The following CCDC91 variants were observed in gnomAD, a reference collection of about 807,000 sequenced individuals.
CCDC91 encodes the protein coiled-coil domain-containing protein 91.
Under a neutral mutation model 63.2 loss-of-function variants are expected in CCDC91, and 48 were observed. That is an observed-to-expected ratio of 0.76 (90% confidence interval 0.60 to 0.97). The LOEUF (loss-of-function observed/expected upper bound fraction) is 0.97. CCDC91 is among the 50% of genes least tolerant of loss of function. The pLI, the probability that CCDC91 is intolerant of heterozygous loss-of-function variation, is 0.00. For missense variants in CCDC91, 500 were observed against 494.6 expected, an observed-to-expected ratio of 1.01 and a Z score of -0.10; for synonymous variants, 167 against 165.8, an observed-to-expected ratio of 1.01 and a Z score of -0.06.
At chr12:28,216,041 G>A (rs1211563503) in intron 1 of CCDC91, among the ~76,000 whole-genome samples, 3 of 151,992 alleles carry the variant, frequency 2.0e-5, no homozygotes, top group African/African-American at 4.8e-5. Context: ...GTACTTAATC[G>A]TTGTTGTTTT....
intron 1 of CCDC91, chr12:28,191,360 C>G (rs1000768215): frequency 6.6e-6 from 1 of 152,286 alleles, no homozygotes; most frequent in Non-Finnish European, 1.5e-5. Flanking sequence ...TGCTGCTACT[C>G]TCACTTGCTT....
chr12:28,548,730 T>G (rs1235130714), intron 12 of CCDC91, among the ~76,000 whole-genome samples: 1 of 152,194 alleles, frequency 6.6e-6, no homozygotes, highest in African/African-American at 2.4e-5. Flanking sequence ...ATCTGTAATA[T>G]ATTTGTGGAT....
intron 7 of CCDC91, among the ~76,000 whole-genome samples, chr12:28,387,456 G>A (rs902597697): frequency 6.6e-5 from 10 of 152,084 alleles, no homozygotes; most frequent in East Asian, 3.9e-4. Flanking sequence ...AAGTTCTTTC[G>A]TGGTGATTTG....
At chr12:28,300,052 A>G (rs545625380) in intron 3 of CCDC91, among the ~76,000 whole-genome samples, 5 of 151,496 alleles carry the variant, frequency 3.3e-5, no homozygotes, top group Non-Finnish European at 7.4e-5. Flanking sequence ...TTTGACAGAA[A>G]AAACGTTTAA....
intron 8 of CCDC91, among the ~76,000 whole-genome samples, chr12:28,416,924 C>G (rs894811785): frequency 2.0e-5 from 3 of 151,706 alleles, no homozygotes; most frequent in African/African-American, 7.3e-5. Flanking sequence ...ATGAATTGAC[C>G]ACTTCCTATT....
chr12:28,427,859 T>C (rs1948411839), intron 8 of CCDC91, among the ~76,000 whole-genome samples: 1 of 152,202 alleles, frequency 6.6e-6, no homozygotes, highest in Admixed American at 6.5e-5. Flanking sequence ...ATGTTTTCAT[T>C]ATCTACTTTA....
intron 8 of CCDC91, among the ~76,000 whole-genome samples, chr12:28,422,680 A>G (rs1238117586): frequency 3.3e-5 from 5 of 152,120 alleles, no homozygotes; most frequent in African/African-American, 9.7e-5. Context: ...TTCTCCACAT[A>G]CAGTGAATTT....
At chr12:28,255,485 A>G (rs754961522) in intron 1 of CCDC91, 6 of 152,226 alleles carry the variant, frequency 3.9e-5, no homozygotes, top group Non-Finnish European at 7.4e-5. Context: ...GTAGCCACAT[A>G]CAGATTTCTG....
At chr12:28,427,246 T>C (rs1158817856) in intron 8 of CCDC91, among the ~76,000 whole-genome samples, 1 of 152,124 alleles carries the variant, frequency 6.6e-6, no homozygotes, top group African/African-American at 2.4e-5. Flanking sequence ...ATAAAAAGGC[T>C]AGAGCGCGCT....
chr12:28,216,754 GTGTT>G (rs2135589599), intron 1 of CCDC91, among the ~76,000 whole-genome samples: 1 of 152,126 alleles, frequency 6.6e-6, no homozygotes. Context: ...GGCTTTAAGT[GTGTT>G]TGTTCAGGAG....
intron 6 of CCDC91, among the ~76,000 whole-genome samples, chr12:28,346,243 A>G (rs1460817018): frequency 6.6e-6 from 1 of 152,158 alleles, no homozygotes; most frequent in Non-Finnish European, 1.5e-5. Context: ...TTGCCACCCC[A>G]GTGCGTGTTT....
intron 6 of CCDC91, among the ~76,000 whole-genome samples, chr12:28,339,695 G>A (rs1259246090): frequency 6.6e-6 from 1 of 152,098 alleles, no homozygotes; most frequent in Admixed American, 6.6e-5. Flanking sequence ...AGCATCTGCA[G>A]GTTTTGGTAT....
At chr12:28,418,072 A>G (rs1213070081) in intron 8 of CCDC91, among the ~76,000 whole-genome samples, 2 of 152,262 alleles carry the variant, frequency 1.3e-5, no homozygotes, top group East Asian at 3.9e-4. Flanking sequence ...TTTCTGGGTT[A>G]AATACTTAGG....
chr12:28,211,367 C>T (rs1943221508), intron 1 of CCDC91, among the ~76,000 whole-genome samples: 1 of 152,016 alleles, frequency 6.6e-6, no homozygotes, highest in African/African-American at 2.4e-5. Context: ...TATCTTTTTC[C>T]ATTCTGGCCA....
At chr12:28,458,795 C>T (rs1451875631) in intron 11 of CCDC91, among the ~76,000 whole-genome samples, 2 of 152,090 alleles carry the variant, frequency 1.3e-5, no homozygotes, top group Non-Finnish European at 2.9e-5. Flanking sequence ...TATACACTTA[C>T]TTCAAACCTG....
At chr12:28,233,986 A>T (rs1944770400) in intron 1 of CCDC91, among the ~76,000 whole-genome samples, 1 of 152,152 alleles carries the variant, frequency 6.6e-6, no homozygotes, top group South Asian at 2.1e-4. Flanking sequence ...CATTAAGTAA[A>T]TTACATTGTT....
chr12:28,459,049 G>T (rs1950187652), intron 11 of CCDC91, among the ~76,000 whole-genome samples: 1 of 152,006 alleles, frequency 6.6e-6, no homozygotes, highest in Non-Finnish European at 1.5e-5. Flanking sequence ...CTGCTGCTCT[G>T]TTTCACATTT....
intron 3 of CCDC91, among the ~76,000 whole-genome samples, chr12:28,270,817 C>T (rs150835891): frequency 5.8e-4 from 88 of 152,108 alleles, no homozygotes; most frequent in East Asian, 1.9e-4. Flanking sequence ...TCCTGCTTGA[C>T]GTTAGGAGGT....
intron 12 of CCDC91, among the ~76,000 whole-genome samples, chr12:28,538,257 T>G: frequency 2.1e-5 from 1 of 46,760 alleles, no homozygotes; most frequent in Non-Finnish European, 3.9e-5. Context: ...CCCTCCCCCT[T>G]CCCCCCCCCC....
Sources: gnomAD v4.1 joint callset for allele counts (sites outside exome capture counted in the v4.1 genomes callset) on GRCh38, gnomAD v4.1.1 for gene constraint, MANE v1.5 for transcripts, NCBI Gene and HGNC (gene_info 2026-07-23, HGNC 2026-07-21) for gene names.